The following KLHL2 variants were observed in gnomAD, a reference collection of about 807,000 sequenced individuals.
KLHL2 encodes the protein kelch like family member 2.
A neutral mutation model predicts 75.8 loss-of-function variants in KLHL2; 15 were observed. The observed-to-expected ratio is 0.20, with a 90% CI of 0.13 to 0.30. KLHL2 has a LOEUF of 0.30. Ranked by LOEUF, KLHL2 falls within the 10% of genes least tolerant of loss-of-function variation. The pLI is 1.00. For missense variants in KLHL2, 381 were observed against 741.0 expected, an observed-to-expected ratio of 0.51 and a Z score of 5.64; for synonymous variants, 214 against 251.9, an observed-to-expected ratio of 0.85 and a Z score of 1.42.
chr4:165,309,843 G>A (rs528077060), intron 9 of KLHL2, among the ~76,000 whole-genome samples: 5 of 152,212 alleles, frequency 3.3e-5, no homozygotes, highest in East Asian at 1.9e-4. Context: ...CTAGGAATAC[G>A]TTATGCAAAT....
intron 5 of KLHL2, among the ~76,000 whole-genome samples, chr4:165,273,795 G>A (rs4613521): frequency 0.39 from 59,222 of 152,032 alleles, 12,110 homozygotes; most frequent in African/African-American, 0.46. Context: ...AGACTAATAC[G>A]CAATTGTTCC....
intron 1 of KLHL2, among the ~76,000 whole-genome samples, 171 bp downstream of exon 1, chr4:165,208,073 ACT>A (rs948180339): frequency 6.6e-6 from 1 of 151,406 alleles, no homozygotes; most frequent in African/African-American, 2.4e-5. Flanking sequence ...GCGGACGGAA[ACT>A]CAGCCTGGCC....
At chr4:165,252,368 A>G (rs1301748330) in intron 4 of KLHL2, among the ~76,000 whole-genome samples, 1 of 151,798 alleles carries the variant, frequency 6.6e-6, no homozygotes, top group Non-Finnish European at 1.5e-5. Flanking sequence ...TTGTTAAATT[A>G]TATGTGGTTC....
At chr4:165,294,653 G>T (rs980651480) in intron 6 of KLHL2, among the ~76,000 whole-genome samples, 185 bp downstream of exon 6, 1 of 151,984 alleles carries the variant, frequency 6.6e-6, no homozygotes, top group South Asian at 2.1e-4. Flanking sequence ...AGAAACTCAG[G>T]ACTTGTTGAT....
intron 5 of KLHL2, among the ~76,000 whole-genome samples, chr4:165,272,672 T>C (rs948858269): frequency 1.3e-5 from 2 of 152,014 alleles, no homozygotes; most frequent in African/African-American, 4.8e-5. Flanking sequence ...TATGATGTAC[T>C]AGAACTCTTA....
intron 3 of KLHL2, among the ~76,000 whole-genome samples, chr4:165,234,891 T>C (rs1480855961): frequency 2.6e-5 from 4 of 152,098 alleles, no homozygotes; most frequent in Non-Finnish European, 5.9e-5. Context: ...CCCAGTACTT[T>C]GGGAGGCCAA....
chr4:165,274,608 CAAAA>C (rs1319249650), intron 5 of KLHL2, among the ~76,000 whole-genome samples: 17 of 106,928 alleles, frequency 1.6e-4, no homozygotes, highest in Admixed American at 4.2e-4. Context: ...GACTACGTCT[CAAAA>C]AAAAAAAAAA....
At position 165,210,230 on chromosome 4, in the gene KLHL2, G is replaced by C. The variant is rs1344728238; in HGVS notation, c.26+2328G>C. ...TCAATGTGCAAATATTTGAATGCCTGTCTCTGCCTGGCACTGTGCGTGGTG... is the reference window on the plus strand; with the variant it reads ...TCAATGTGCAAATATTTGAATGCCTCTCTCTGCCTGGCACTGTGCGTGGTG... On this transcript the variant is annotated intron_variant, in intron 1 of 14. Transcript: ENST00000226725. 2.7e-6 allele frequency: 4 copies of C among 1,501,280 alleles called. No individual in the cohort carries two copies. The East Asian group carries it at 9.8e-5, about 37-fold the overall frequency. 93.0% of individuals were successfully genotyped at this position (1,501,280 alleles called of 1,614,324 possible). A position where few individuals can be genotyped will look rare whatever the true frequency, so the allele number is the denominator to read the frequency against.
chr4:165,321,286 C>T (rs1038178327), intron 14 of KLHL2: 1 of 456,092 alleles, frequency 2.2e-6, no homozygotes, highest in African/African-American at 2.0e-5. Context: ...ACAAGACCAA[C>T]CTCTCCTCTT....
At chr4:165,234,573 T>C (rs948356233) in intron 3 of KLHL2, among the ~76,000 whole-genome samples, 12 of 151,990 alleles carry the variant, frequency 7.9e-5, no homozygotes, top group African/African-American at 2.2e-4. Context: ...CCAGTTTATG[T>C]TGGGCTTCAG....
At chr4:165,251,965 G>A (rs1173364372) in intron 4 of KLHL2, among the ~76,000 whole-genome samples, 12 of 152,192 alleles carry the variant, frequency 7.9e-5, no homozygotes, top group Non-Finnish European at 1.6e-4. Flanking sequence ...CTCTAGAAGC[G>A]TTAGTAATTG....
chr4:165,301,421 TTC>T (rs1352707026), intron 8 of KLHL2, among the ~76,000 whole-genome samples: 1 of 152,236 alleles, frequency 6.6e-6, no homozygotes, highest in East Asian at 1.9e-4. Context: ...CTATCCTCAG[TTC>T]TCTGAGATTT....
At chr4:165,304,284 A>T (rs1261633341) in intron 8 of KLHL2, among the ~76,000 whole-genome samples, 1 of 152,166 alleles carries the variant, frequency 6.6e-6, no homozygotes, top group African/African-American at 2.4e-5. Context: ...AAAAACTAAA[A>T]TGGGCTTCTT....
At chr4:165,297,407 T>TA (rs200104494) in intron 6 of KLHL2, among the ~76,000 whole-genome samples, 9,988 of 142,244 alleles carry the variant, frequency 0.07, 655 homozygotes, top group African/African-American at 0.19. Context: ...TTTGGGTAAA[T>TA]AAAAAAAAAA....
chr4:165,261,535 T>G (rs1286619666), intron 4 of KLHL2, among the ~76,000 whole-genome samples: 2 of 152,148 alleles, frequency 1.3e-5, no homozygotes, highest in African/African-American at 4.8e-5. Flanking sequence ...GATTGGGCTT[T>G]CACCATGTTG....
chr4:165,274,742 T>C (rs1453247110), intron 5 of KLHL2, among the ~76,000 whole-genome samples: 1 of 152,256 alleles, frequency 6.6e-6, no homozygotes, highest in Non-Finnish European at 1.5e-5. Flanking sequence ...ATAATTAAAT[T>C]AAATTGTACA....
At chr4:165,230,232 T>C (rs1214193887) in intron 3 of KLHL2, among the ~76,000 whole-genome samples, 1 of 152,226 alleles carries the variant, frequency 6.6e-6, no homozygotes, top group Non-Finnish European at 1.5e-5. Flanking sequence ...TGGGCTACTT[T>C]AGGAATTACC....
intron 14 of KLHL2, among the ~76,000 whole-genome samples, chr4:165,318,750 A>G (rs567991561): frequency 1.3e-5 from 2 of 152,350 alleles, no homozygotes; most frequent in East Asian, 3.9e-4. Flanking sequence ...TGAACTGTGT[A>G]TGTCCACTTA....
chr4:165,299,361 G>A lies in KLHL2; in HGVS notation c.772-146G>A, dbSNP rs368588151. On this transcript the variant is annotated intron_variant, in intron 7 of 14. Coordinates refer to ENST00000226725, the MANE Select transcript of KLHL2 (RefSeq NM_007246.4). ...GGTTATATTTATTTTTCTCTTAGATGTATTTATAAACTTTCCTCGTTTATT... is the reference window on the plus strand; with the variant it reads ...GGTTATATTTATTTTTCTCTTAGATATATTTATAAACTTTCCTCGTTTATT... 9.2e-5 allele frequency: 57 copies of A among 618,646 alleles called. 2 individuals carry two copies. The highest frequency in any genetic ancestry group is 7.6e-4 in the South Asian group (21 of 27,484). The allele number at this position is 618,646 out of a possible 1,614,324, so 38.3% of individuals were successfully genotyped here.
Sources: gnomAD v4.1 joint callset for allele counts (sites outside exome capture counted in the v4.1 genomes callset) on GRCh38, gnomAD v4.1.1 for gene constraint, MANE v1.5 for transcripts, NCBI Gene and HGNC (gene_info 2026-07-23, HGNC 2026-07-21) for gene names.